Variants in TTC39C observed in about 807,000 individuals in gnomAD.
TTC39C encodes the protein tetratricopeptide repeat protein 39C.
In TTC39C, 33 loss-of-function variants were observed where a neutral mutation model predicts 76.3. The ratio of observed to expected loss-of-function variants is 0.43; its 90% confidence interval spans 0.33 to 0.58. TTC39C has a LOEUF of 0.58. TTC39C is among the 20% of genes least tolerant of loss of function. The probability of loss-of-function intolerance (pLI) is 0.04; values close to 1 mark genes in which losing one functional copy is unlikely to be tolerated. For missense variants in TTC39C, 595 were observed against 701.4 expected, an observed-to-expected ratio of 0.85 and a Z score of 1.71; for synonymous variants, 254 against 260.6, an observed-to-expected ratio of 0.97 and a Z score of 0.24.
intron 1 of TTC39C, among the ~76,000 whole-genome samples, chr18:24,041,601 A>C (rs1267276533): frequency 2.0e-5 from 3 of 152,204 alleles, no homozygotes; most frequent in Admixed American, 1.3e-4. Flanking sequence ...GAAATATTTT[A>C]GGGACCGCTT....
At chr18:24,125,177 C>A (rs1441345175) in intron 9 of TTC39C, among the ~76,000 whole-genome samples, 2 of 152,188 alleles carry the variant, frequency 1.3e-5, no homozygotes, top group Non-Finnish European at 2.9e-5. Context: ...CAGGCGTGAG[C>A]CACCATGCCT....
At chr18:24,131,993 A>G (rs1024049244) in intron 13 of TTC39C, 73 bp downstream of exon 13, 6 of 1,433,014 alleles carry the variant, frequency 4.2e-6, no homozygotes, top group Admixed American at 4.6e-5. Context: ...GTCTGAATTC[A>G]AGAAAGTTTG....
intron 4 of TTC39C, among the ~76,000 whole-genome samples, chr18:24,078,123 TAA>T (rs1301623814): frequency 6.6e-6 from 1 of 152,238 alleles, no homozygotes; most frequent in African/African-American, 2.4e-5. Context: ...TTAAAGTTAC[TAA>T]AAAAACTTTG....
At chr18:24,001,954 T>A (rs1017220965) in intron 1 of TTC39C, among the ~76,000 whole-genome samples, 2 of 150,198 alleles carry the variant, frequency 1.3e-5, no homozygotes, top group African/African-American at 2.5e-5. Flanking sequence ...GCCTCCCGAG[T>A]AGCTGGGACT....
chr18:24,048,003 CCATGTTTATTTTATACATGG>C (rs1358605654), intron 1 of TTC39C, among the ~76,000 whole-genome samples: 1 of 152,012 alleles, frequency 6.6e-6, no homozygotes, highest in Admixed American at 6.6e-5. Flanking sequence ...ATTCATTTAG[CCATGTTTATTTTATACATGG>C]CATGTTTATT....
At chr18:24,009,096 G>T (rs2083376752) in intron 1 of TTC39C, among the ~76,000 whole-genome samples, 1 of 152,092 alleles carries the variant, frequency 6.6e-6, no homozygotes, top group African/African-American at 2.4e-5. Context: ...AATAACTATT[G>T]GTCACTGGGC....
intron 4 of TTC39C, among the ~76,000 whole-genome samples, chr18:24,075,905 C>A (rs1383103874): frequency 6.6e-6 from 1 of 152,102 alleles, no homozygotes; most frequent in Non-Finnish European, 1.5e-5. Context: ...CAGCTCTTGC[C>A]CTTTCCCAGG....
At chr18:24,023,952 A>G (rs201055200) in intron 1 of TTC39C, among the ~76,000 whole-genome samples, 22 of 12,822 alleles carry the variant, frequency 1.7e-3, no homozygotes, top group African/African-American at 2.9e-3. Context: ...ATATGCATGT[A>G]TATATATATA....
intron 6 of TTC39C, among the ~76,000 whole-genome samples, chr18:24,111,508 G>A (rs1441478977): frequency 6.6e-6 from 1 of 151,372 alleles, no homozygotes; most frequent in African/African-American, 2.4e-5. Context: ...GGCAGAGGTT[G>A]CATTGAGCCA....
At chr18:24,124,550 TTC>T (rs1166337645) in intron 9 of TTC39C, among the ~76,000 whole-genome samples, 1 of 152,228 alleles carries the variant, frequency 6.6e-6, no homozygotes, top group Non-Finnish European at 1.5e-5. Flanking sequence ...TTCCTATGTA[TTC>T]TGTACTTCTG....
intron 6 of TTC39C, among the ~76,000 whole-genome samples, chr18:24,107,110 G>A (rs994476553): frequency 1.3e-5 from 2 of 152,122 alleles, no homozygotes; most frequent in African/African-American, 4.8e-5. Flanking sequence ...GTGTTTTACT[G>A]GGCAGAGGAT....
chr18:24,086,530 CT>C (rs1322086250), intron 6 of TTC39C, among the ~76,000 whole-genome samples: 1 of 152,164 alleles, frequency 6.6e-6, no homozygotes, highest in Non-Finnish European at 1.5e-5. Context: ...ATTGTGGTGA[CT>C]TGGCTGTTTT....
intron 6 of TTC39C, among the ~76,000 whole-genome samples, chr18:24,109,493 CTG>C (rs1383911963): frequency 1.3e-5 from 2 of 152,046 alleles, no homozygotes; most frequent in Non-Finnish European, 2.9e-5. Flanking sequence ...CTTTGTTACA[CTG>C]TGTGGCCATT....
At chr18:24,023,864 A>G (rs2083545648) in intron 1 of TTC39C, among the ~76,000 whole-genome samples, 1 of 147,270 alleles carries the variant, frequency 6.8e-6, no homozygotes, top group Non-Finnish European at 1.5e-5. Flanking sequence ...CTGAAATGAA[A>G]TTGATAGATG....
At chr18:24,131,857 A>T in intron 12 of TTC39C, 25 bp from the exon 13 acceptor site, 1 of 1,603,686 alleles carries the variant, frequency 6.2e-7, no homozygotes, top group Non-Finnish European at 8.5e-7. Flanking sequence ...CACAGATTTT[A>T]TGGGATAATG....
intron 5 of TTC39C, among the ~76,000 whole-genome samples, chr18:24,081,658 A>G (rs1251146193): frequency 6.6e-6 from 1 of 152,196 alleles, no homozygotes; most frequent in Non-Finnish European, 1.5e-5. Flanking sequence ...GATATCATAG[A>G]GGACCTTACC....
chr18:24,066,995 A>G (rs2084174238), intron 3 of TTC39C, among the ~76,000 whole-genome samples: 1 of 152,226 alleles, frequency 6.6e-6, no homozygotes, highest in Non-Finnish European at 1.5e-5. Flanking sequence ...ATTTGGAACA[A>G]CAGTGACCAC....
intron 6 of TTC39C, among the ~76,000 whole-genome samples, chr18:24,107,852 C>T (rs543965007): frequency 2.6e-5 from 4 of 151,520 alleles, no homozygotes; most frequent in South Asian, 4.2e-4. Flanking sequence ...CTCGACCTCC[C>T]GGCTCAAGCA....
At chr18:24,072,865 A>G (rs998128748) in intron 4 of TTC39C, among the ~76,000 whole-genome samples, 1 of 152,128 alleles carries the variant, frequency 6.6e-6, no homozygotes, top group Non-Finnish European at 1.5e-5. Flanking sequence ...TCACCTTTGT[A>G]TTCTTGGCAA....
Sources: gnomAD v4.1 joint callset for allele counts (sites outside exome capture counted in the v4.1 genomes callset) on GRCh38, gnomAD v4.1.1 for gene constraint, MANE v1.5 for transcripts, NCBI Gene and HGNC (gene_info 2026-07-23, HGNC 2026-07-21) for gene names.